Variants in LRP1B observed in about 807,000 individuals in gnomAD.
LRP1B encodes the protein LDL receptor related protein 1B, also known as low-density lipoprotein receptor-related protein 1B.
Under a neutral mutation model 556.6 loss-of-function variants are expected in LRP1B, and 217 were observed. The ratio of observed to expected loss-of-function variants is 0.39; its 90% CI spans 0.35 to 0.44. LRP1B has a LOEUF of 0.44. Among genes scored for constraint, LRP1B ranks in the 20% least tolerant of loss-of-function variants. The probability of loss-of-function intolerance (pLI) is 1.00; values close to 1 mark genes in which losing one functional copy is unlikely to be tolerated. For missense variants in LRP1B, 5,053 were observed against 5,620.8 expected (o/e 0.90, Z 3.23); for synonymous variants, 2,047 against 1,865.8 (o/e 1.10, Z -2.50).
At chr2:140,611,536 T>C (rs186293193) in intron 41 of LRP1B, among the ~76,000 whole-genome samples, 1 of 152,156 alleles carries the variant, frequency 6.6e-6, no homozygotes, top group Admixed American at 6.5e-5. Flanking sequence ...TTCCAGATGG[T>C]AGGGATCGTA....
chr2:140,604,159 T>A (rs1354411760), intron 41 of LRP1B, among the ~76,000 whole-genome samples: 1 of 151,478 alleles, frequency 6.6e-6, no homozygotes, highest in African/African-American at 2.4e-5. Flanking sequence ...CTCAAGGATG[T>A]AGAATAGGCA....
At chr2:141,643,605 G>C (rs749479314) in intron 2 of LRP1B, among the ~76,000 whole-genome samples, 11 of 152,250 alleles carry the variant, frequency 7.2e-5, no homozygotes, top group Non-Finnish European at 1.3e-4. Context: ...TTGTGAATTG[G>C]TCTAATGGGG....
intron 3 of LRP1B, among the ~76,000 whole-genome samples, chr2:141,459,252 T>C (rs920473608): frequency 2.6e-5 from 4 of 152,088 alleles, no homozygotes; most frequent in Non-Finnish European, 4.4e-5. Context: ...CGTGTATGTA[T>C]ATGTGTGTGA....
chr2:140,589,898 G>A (rs1352048191), intron 43 of LRP1B, among the ~76,000 whole-genome samples: 1 of 152,002 alleles, frequency 6.6e-6, no homozygotes, highest in Admixed American at 6.6e-5. Flanking sequence ...GCAACATGTG[G>A]GATCATTGGA....
At chr2:140,649,725 G>A (rs1017435428) in intron 41 of LRP1B, among the ~76,000 whole-genome samples, 35 of 152,140 alleles carry the variant, frequency 2.3e-4, no homozygotes, top group Admixed American at 1.6e-3. Context: ...ACCAGATCCC[G>A]TGAATCTACC....
chr2:141,053,232 G>A (rs1404661024), intron 10 of LRP1B, among the ~76,000 whole-genome samples: 1 of 151,936 alleles, frequency 6.6e-6, no homozygotes, highest in East Asian at 2.0e-4. Context: ...AATCAGATAT[G>A]CTAGCTCAAG....
At chr2:141,719,705 C>T (rs1437349) in intron 2 of LRP1B, among the ~76,000 whole-genome samples, 63,811 of 151,700 alleles carry the variant, frequency 0.42, 13,987 homozygotes, top group East Asian at 0.67. Flanking sequence ...AAAAATGAAG[C>T]CATGTCTTTT....
chr2:141,344,621 T>C (rs1290205120), intron 3 of LRP1B, among the ~76,000 whole-genome samples: 1 of 152,204 alleles, frequency 6.6e-6, no homozygotes, highest in East Asian at 1.9e-4. Flanking sequence ...TATTCTCATA[T>C]ATGTTATGTA....
At chr2:141,249,308 G>A (rs1167644363) in intron 4 of LRP1B, among the ~76,000 whole-genome samples, 2 of 152,148 alleles carry the variant, frequency 1.3e-5, no homozygotes, top group Non-Finnish European at 2.9e-5. Context: ...CAAGAAAGAG[G>A]AATCAGGGTG....
intron 1 of LRP1B, among the ~76,000 whole-genome samples, chr2:141,904,904 G>A (rs1263041398): frequency 6.6e-6 from 1 of 151,892 alleles, no homozygotes; most frequent in Non-Finnish European, 1.5e-5. Flanking sequence ...ACAGAGACCT[G>A]ACCACCTACT....
intron 11 of LRP1B, among the ~76,000 whole-genome samples, chr2:141,033,425 G>A (rs965176636): frequency 6.6e-6 from 1 of 152,008 alleles, no homozygotes; most frequent in African/African-American, 2.4e-5. Flanking sequence ...CTGTTGTGCT[G>A]AGAATAAGCT....
chr2:141,729,436 C>T (rs1056311156), intron 2 of LRP1B, among the ~76,000 whole-genome samples: 1 of 152,016 alleles, frequency 6.6e-6, no homozygotes, highest in Non-Finnish European at 1.5e-5. Context: ...TCACATTTTA[C>T]CAAGGAGAGC....
intron 6 of LRP1B, among the ~76,000 whole-genome samples, chr2:141,216,037 G>T (rs1365590307): frequency 6.6e-6 from 1 of 152,104 alleles, no homozygotes; most frequent in Non-Finnish European, 1.5e-5. Context: ...TGTCTCAAAG[G>T]CACTTCAGAG....
chr2:141,414,246 A>AAAAAG (rs1690991822), intron 3 of LRP1B, among the ~76,000 whole-genome samples: 1 of 147,808 alleles, frequency 6.8e-6, no homozygotes, highest in South Asian at 2.1e-4. Flanking sequence ...TCAAAAAAAA[A>AAAAAG]AAAAAAAGAA....
chr2:140,952,031 T>C, intron 18 of LRP1B, 91 bp from the exon 19 acceptor site: 1 of 881,140 alleles, frequency 1.1e-6, no homozygotes, highest in Non-Finnish European at 1.9e-6. Flanking sequence ...TCAGAACTCC[T>C]TCCCTGTTCT....
At position 140,275,567 on chromosome 2, in the gene LRP1B, A is replaced by T. The variant is rs115603815; in HGVS notation, c.12968-969T>A. ...GAAGCTTCCCTGTACACGTAGCAGA[A>T]CAAACCCAGGTATTTTCTGCATGCC... On this transcript the variant is annotated intron_variant, in intron 84 of 90. Transcript: ENST00000389484. Among the ~76,000 whole-genome samples the T allele has an allele frequency of 9.2e-4, 140 of 152,086 alleles. 1 individual carries two copies. The highest frequency in any genetic ancestry group is 3.3e-3 in the African/African-American group (137 of 41,550).
chr2:142,038,073 A>T (rs1286382344), intron 1 of LRP1B, among the ~76,000 whole-genome samples: 1 of 151,612 alleles, frequency 6.6e-6, no homozygotes, highest in Non-Finnish European at 1.5e-5. Context: ...ATATTAAAAA[A>T]ATAAATTCCC....
At chr2:141,362,227 T>A (rs1003253444) in intron 3 of LRP1B, among the ~76,000 whole-genome samples, 2 of 152,250 alleles carry the variant, frequency 1.3e-5, no homozygotes, top group African/African-American at 4.8e-5. Context: ...CTTGCTTGAT[T>A]AACATTTAAA....
chr2:141,959,550 C>G (rs181547439), intron 1 of LRP1B, among the ~76,000 whole-genome samples: 2 of 151,820 alleles, frequency 1.3e-5, no homozygotes, highest in East Asian at 3.9e-4. Flanking sequence ...ATCTCTAGAC[C>G]GGCACTCTCC....
Sources: gnomAD v4.1 joint callset for allele counts (sites outside exome capture counted in the v4.1 genomes callset) on GRCh38, gnomAD v4.1.1 for gene constraint, MANE v1.5 for transcripts, NCBI Gene and HGNC (gene_info 2026-07-23, HGNC 2026-07-21) for gene names.